The following NPSR1 variants were observed in gnomAD, a reference collection of about 807,000 sequenced individuals.
NPSR1 encodes neuropeptide S receptor 1.
A neutral mutation model predicts 46.9 loss-of-function variants in NPSR1; 48 were observed. The ratio of observed to expected loss-of-function variants is 1.02; its 90% CI spans 0.81 to 1.30. NPSR1 has a LOEUF of 1.30. NPSR1 is among the 50% of genes most tolerant of loss of function. The pLI is 0.00. For missense variants in NPSR1, 450 were observed against 449.5 expected (o/e 1.00, Z -0.01); for synonymous variants, 176 against 168.1 (o/e 1.05, Z -0.36).
intron 3 of NPSR1, among the ~76,000 whole-genome samples, chr7:34,795,217 A>C (rs1788119265): frequency 6.6e-6 from 1 of 152,316 alleles, no homozygotes; most frequent in South Asian, 2.1e-4. Context: ...TACAACACCT[A>C]TTATGATTTC....
At chr7:34,791,218 A>ATATGTTATATATTATATTATATATGT (rs1787856116) in intron 3 of NPSR1, among the ~76,000 whole-genome samples, 1 of 105,036 alleles carries the variant, frequency 9.5e-6, no homozygotes, top group African/African-American at 4.4e-5. Context: ...TATATATGTT[A>ATATGTTATATATTATATTATATATGT]TATGTTATAT....
At chr7:34,747,399 A>G (rs1017761615) in intron 2 of NPSR1, among the ~76,000 whole-genome samples, 1 of 152,296 alleles carries the variant, frequency 6.6e-6, no homozygotes, top group East Asian at 1.9e-4. Context: ...GGGTCTCTGC[A>G]CCTGCAGCCT....
At chr7:34,808,879 T>TTTA (rs1379585398) in intron 3 of NPSR1, among the ~76,000 whole-genome samples, 1 of 152,236 alleles carries the variant, frequency 6.6e-6, no homozygotes, top group Admixed American at 6.5e-5. Context: ...TAAATTTTTT[T>TTTA]ACCCTGCCTT....
downstream of NPSR1, among the ~76,000 whole-genome samples, chr7:34,854,952 GTTATAA>G (rs1791017915): frequency 6.6e-6 from 1 of 151,954 alleles, no homozygotes; most frequent in African/African-American, 2.4e-5. Flanking sequence ...TTCTGATCAT[GTTATAA>G]TTATGCTGGA....
intron 4 of NPSR1, among the ~76,000 whole-genome samples, chr7:34,812,075 A>T (rs531256356): frequency 1.3e-5 from 2 of 152,292 alleles, no homozygotes; most frequent in Non-Finnish European, 2.9e-5. Context: ...ATGCCTGGAA[A>T]AATGCCGATG....
At chr7:34,694,048 G>A (rs1018116475) in intron 2 of NPSR1, among the ~76,000 whole-genome samples, 1 of 152,074 alleles carries the variant, frequency 6.6e-6, no homozygotes, top group Non-Finnish European at 1.5e-5. Flanking sequence ...ACATTATACT[G>A]AATGAGGAAA....
At chr7:34,782,541 T>A (rs1331025843) in intron 3 of NPSR1, among the ~76,000 whole-genome samples, 1 of 152,100 alleles carries the variant, frequency 6.6e-6, no homozygotes, top group Non-Finnish European at 1.5e-5. Context: ...ATCTGCACCA[T>A]CACTGATGCT....
chr7:34,685,840 C>A (rs1701048020), intron 2 of NPSR1: 14 of 248,694 alleles, frequency 5.6e-5, no homozygotes, highest in South Asian at 5.3e-4. Flanking sequence ...GTAAAAGGAG[C>A]AAGAGTTCTG....
intron 2 of NPSR1, among the ~76,000 whole-genome samples, chr7:34,756,601 T>G (rs1209537553): frequency 4.6e-5 from 7 of 152,220 alleles, no homozygotes; most frequent in African/African-American, 9.6e-5. Context: ...CTAAAACTTC[T>G]TTTATGGCAC....
At chr7:34,839,975 G>A (rs533781469) in intron 6 of NPSR1, among the ~76,000 whole-genome samples, 3 of 152,126 alleles carry the variant, frequency 2.0e-5, no homozygotes, top group Non-Finnish European at 4.4e-5. Context: ...AACAGGAATG[G>A]GTTTTGTGAA....
At chr7:34,683,771 A>G (rs776752282) in intron 1 of NPSR1, among the ~76,000 whole-genome samples, 2 of 152,100 alleles carry the variant, frequency 1.3e-5, no homozygotes, top group Non-Finnish European at 2.9e-5. Flanking sequence ...CAATAACAAC[A>G]TTAATCTATT....
At chr7:34,816,121 C>T (rs1301545444) in intron 4 of NPSR1, among the ~76,000 whole-genome samples, 1 of 150,574 alleles carries the variant, frequency 6.6e-6, no homozygotes, top group Admixed American at 6.6e-5. Flanking sequence ...CACACACTGG[C>T]AAATTGGATA....
intron 4 of NPSR1, among the ~76,000 whole-genome samples, chr7:34,819,830 CA>C (rs572734154): frequency 6.6e-6 from 1 of 152,152 alleles, no homozygotes; most frequent in Non-Finnish European, 1.5e-5. Context: ...GACAGAAAAC[CA>C]AACACTGCAT....
At chr7:34,751,567 G>A (rs1583945545) in intron 2 of NPSR1, 10 of 1,597,802 alleles carry the variant, frequency 6.3e-6, no homozygotes, top group East Asian at 2.2e-5. Context: ...GGGATCTTTG[G>A]TCTTGTGCTC....
At chr7:34,827,709 C>T (rs1789929505) in intron 5 of NPSR1, 107 bp downstream of exon 5, 2 of 807,228 alleles carry the variant, frequency 2.5e-6, no homozygotes, top group African/African-American at 1.7e-5. Flanking sequence ...TTCCTAGTGC[C>T]CTTGAGGGAA....
chr7:34,718,666 G>C (rs1390793160), intron 2 of NPSR1, among the ~76,000 whole-genome samples: 1 of 152,146 alleles, frequency 6.6e-6, no homozygotes, highest in Admixed American at 6.5e-5. Context: ...AATAATTATG[G>C]ACTAGCAAAG....
At chr7:34,792,809 G>A (rs114777515) in intron 3 of NPSR1, among the ~76,000 whole-genome samples, 9 of 145,486 alleles carry the variant, frequency 6.2e-5, no homozygotes, top group East Asian at 2.0e-4. Flanking sequence ...GCTTGAACCC[G>A]GGGTGTCAAG....
intron 3 of NPSR1, among the ~76,000 whole-genome samples, chr7:34,792,687 ATG>A (rs1787965237): frequency 1.2e-5 from 1 of 85,634 alleles, no homozygotes; most frequent in Non-Finnish European, 2.6e-5. Context: ...ATATATATAT[ATG>A]TATATATATA....
intron 2 of NPSR1, chr7:34,719,708 G>A (rs978466410): frequency 6.6e-6 from 1 of 152,126 alleles, no homozygotes; most frequent in East Asian, 1.9e-4. Context: ...ATCACAGACA[G>A]ATTGTTTCCA....
Sources: allele counts gnomAD v4.1 joint callset (sites outside exome capture counted in the v4.1 genomes callset), GRCh38; gene constraint gnomAD v4.1.1; transcripts MANE v1.5; gene names NCBI Gene and HGNC (gene_info 2026-07-23, HGNC 2026-07-21).